BEGAIN: variants seen among roughly 807,000 people sequenced by gnomAD.
BEGAIN encodes brain enriched guanylate kinase associated, also known as brain-enriched guanylate kinase-associated protein.
BEGAIN carries 19 observed loss-of-function variants against 35.8 expected under a neutral mutation model. The observed-to-expected ratio is 0.53, with a 90% CI of 0.37 to 0.78. The LOEUF is 0.78. Ranked by LOEUF, BEGAIN falls within the 30% of genes least tolerant of loss-of-function variation. BEGAIN has a pLI of 0.00. For synonymous variants in BEGAIN, 462 were observed against 388.6 expected, an observed-to-expected ratio of 1.19 and a Z score of -2.22; for missense variants, 795 against 853.6, an observed-to-expected ratio of 0.93 and a Z score of 0.85.
chr14:100,585,696 A>C (rs1315563270), intron 1 of BEGAIN, among the ~76,000 whole-genome samples: 1 of 151,938 alleles, frequency 6.6e-6, no homozygotes, highest in Non-Finnish European at 1.5e-5. Flanking sequence ...GGGCTCTGAC[A>C]GGTGTCCCCC....
chr14:100,579,391 A>G (rs1202294000), intron 1 of BEGAIN, among the ~76,000 whole-genome samples: 1 of 152,252 alleles, frequency 6.6e-6, no homozygotes, highest in Non-Finnish European at 1.5e-5. Context: ...GGTTAGAGCC[A>G]GACCTGGACC....
intron 5 of BEGAIN, among the ~76,000 whole-genome samples, chr14:100,542,924 GT>G (rs2031842740): frequency 1.3e-5 from 2 of 152,204 alleles, no homozygotes; most frequent in African/African-American, 4.8e-5. Flanking sequence ...TAAAGCCCAG[GT>G]TTCTGGGAGG....
At chr14:100,570,776 G>A (rs2035056024) in intron 1 of BEGAIN, among the ~76,000 whole-genome samples, 1 of 152,158 alleles carries the variant, frequency 6.6e-6, no homozygotes, top group Non-Finnish European at 1.5e-5. Flanking sequence ...CACCCCGGGT[G>A]CAAGTTTTGA....
At chr14:100,548,391 C>T (rs1030156201) in intron 2 of BEGAIN, 1 of 152,212 alleles carries the variant, frequency 6.6e-6, no homozygotes, top group Non-Finnish European at 1.5e-5. Context: ...TGCACAGCAG[C>T]CCCTGAAGTC....
chr14:100,537,765 C>G lies in BEGAIN; in HGVS notation c.*204G>C, dbSNP rs4900467. The G allele has an allele frequency of 1, 689,923 of 692,000 alleles. 343,984 individuals carry two copies. Among genetic ancestry groups the G allele is most frequent in the Admixed American group, 1 (27,264 of 27,264 alleles). The allele number at this position is 692,000 out of a possible 1,614,324, so 42.9% of individuals were successfully genotyped here. A position where few individuals can be genotyped will look rare whatever the true frequency, so the allele number is the denominator to read the frequency against. On this transcript the variant is annotated 3_prime_UTR_variant, in exon 7 of 7. Transcript: ENST00000554140. ...AACGCTCTAAGTGGAGTTCCACGGG[C>G]CGGGGCCGGGTGGACACCGTGGTGT...
intron 1 of BEGAIN, chr14:100,569,032 C>G (rs1309764899): frequency 3.7e-6 from 3 of 809,862 alleles, no homozygotes; most frequent in Admixed American, 6.3e-5. Context: ...GGGCGCAGCC[C>G]GGCCGCAGCG....
chr14:100,546,733 C>T (rs1184512127), intron 2 of BEGAIN, 71 bp from the exon 3 acceptor site: 3 of 1,408,010 alleles, frequency 2.1e-6, no homozygotes, highest in African/African-American at 3.0e-5. Flanking sequence ...GCAGGCCAGC[C>T]GGGGCGTGCC....
chr14:100,544,899 C>G, intron 4 of BEGAIN, 101 bp downstream of exon 4: 2 of 1,169,752 alleles, frequency 1.7e-6, no homozygotes, highest in Admixed American at 3.4e-5. Flanking sequence ...ACCAGCAAGA[C>G]CTGTGTCCCA....
chr14:100,546,570 C>T lies in BEGAIN; in HGVS notation c.164G>A (p.Arg55His). 6.3e-7 allele frequency: 1 copy of T among 1,591,038 alleles called. No individual in the cohort carries two copies. Among genetic ancestry groups the T allele is most frequent in the Non-Finnish European group, 8.5e-7 (1 of 1,172,154 alleles). The change falls in exon 3 of 7, where the codon CGC (arginine) becomes CAC (histidine). Residue 55 changes from arginine (R) to histidine (H), a missense_variant. By Grantham distance (29) the Arg-to-His change is conservative (BLOSUM62 0). Coordinates refer to ENST00000554140, the MANE Select transcript of BEGAIN (RefSeq NM_001385089.1). ...CCGCAGCTCGATCTCCAGGTAGTGG[C>T]GCGTGGAGTCGAACTCGGTCTCGAG... Reference protein sequence around the residue: ...EKLETEFDSTRHYLEIELRRA... With the variant: ...EKLETEFDSTHHYLEIELRRA...
At chr14:100,564,364 G>A (rs1231471795) in intron 2 of BEGAIN, among the ~76,000 whole-genome samples, 2 of 151,920 alleles carry the variant, frequency 1.3e-5, no homozygotes, top group Admixed American at 1.3e-4. Context: ...CATGAGAGGC[G>A]ACTGACCCAC....
chr14:100,543,819 C>A, intron 5 of BEGAIN, 39 bp downstream of exon 5: 1 of 1,533,186 alleles, frequency 6.5e-7, no homozygotes, highest in Non-Finnish European at 9.0e-7. Context: ...CCTAGGCCCA[C>A]CGGCAGTCTT....
Position 100,558,052 on chromosome 14 carries a change from A to G in BEGAIN, c.71+9859T>C, listed in dbSNP as rs997307931. 6.6e-6 allele frequency among the ~76,000 whole-genome samples: 1 copy of G among 151,968 alleles called. No individual in the cohort carries two copies. The highest frequency in any genetic ancestry group is 2.4e-5 in the African/African-American group (1 of 41,436). ...CCCAGCTGCAGGTGGGGCTCCAGCTAGTCTCCCTCGCTCCTGAACCATCCA... is the reference window on the plus strand; with the variant it reads ...CCCAGCTGCAGGTGGGGCTCCAGCTGGTCTCCCTCGCTCCTGAACCATCCA... On this transcript the variant is annotated intron_variant, in intron 2 of 6. Transcript: ENST00000554140. The surrounding 1 kb of genome is among the most constrained non-coding windows in gnomAD (Gnocchi z 4.6).
In BEGAIN at chr14:100,559,473, C is replaced by T. The variant is rs188555906; in HGVS notation, c.71+8438G>A. Among the ~76,000 whole-genome samples, 190 of 152,348 alleles carry T rather than the reference C, an allele frequency of 1.2e-3. 1 individual carries two copies. The highest frequency in any genetic ancestry group is 4.4e-3 in the African/African-American group (182 of 41,580). On this transcript the variant is annotated intron_variant, in intron 2 of 6. Coordinates refer to ENST00000554140, the MANE Select transcript of BEGAIN (RefSeq NM_001385089.1). The stretch of plus-strand genomic sequence containing the variant: ...TGGGACTCCCAAATTAACCTTTCAG[C>T]GCCTGCCACCTGCCCTGGTGCCCAG...
At chr14:100,574,401 G>A (rs1436068370) in intron 1 of BEGAIN, among the ~76,000 whole-genome samples, 3 of 152,286 alleles carry the variant, frequency 2.0e-5, no homozygotes, top group Non-Finnish European at 4.4e-5. Context: ...CTTCATACAG[G>A]GCCTCCCTTT....
At position 100,567,930 on chromosome 14, in the gene BEGAIN, C is replaced by A. The variant is rs1374203070; in HGVS notation, c.52G>T (p.Ala18Ser). 1.4e-6 allele frequency: 2 copies of A among 1,462,142 alleles called. No individual in the cohort carries two copies. Among genetic ancestry groups the A allele is most frequent in the African/African-American group, 1.5e-5 (1 of 67,094 alleles). 90.6% of individuals were successfully genotyped at this position (1,462,142 alleles called of 1,614,324 possible). Residue 18 changes from alanine to serine, a missense_variant, in exon 2 of 7, where the codon GCA becomes TCA. Transcript: ENST00000554140. The surrounding 1 kb of genome is among the most constrained non-coding windows in gnomAD (Gnocchi z 5.1). ...PGRLRRAASA[A>S]DMEKLSALQE... ...ACTCACCTGAGTTTCTCCATGTCTG[C>A]GGCAGAGGCCTGCGAGAAACCAAAC... is the stretch of plus-strand genomic sequence containing the variant.
In BEGAIN at chr14:100,537,987, G is replaced by C; in HGVS notation, c.1821C>G (p.Tyr607Ter). 6.2e-7 allele frequency: 1 copy of C among 1,609,082 alleles called. No homozygotes were observed. The highest frequency in any genetic ancestry group is 8.5e-7 in the Non-Finnish European group (1 of 1,178,680). The change falls in exon 7 of 7, where the codon TAC becomes TAG. Residue 607 changes from tyrosine (Y) to a stop codon, truncating the protein, a stop_gained. Coordinates refer to ENST00000554140, the MANE Select transcript of BEGAIN (RefSeq NM_001385089.1). LOFTEE classifies it high-confidence loss of function. Reference sequence around the variant, plus strand: ...CAGGCGCTCAGTTGAGCAAGGTTCCGTAGAGCTGGGCCTTGGTGAGGCTGT... The same window carrying C: ...CAGGCGCTCAGTTGAGCAAGGTTCCCTAGAGCTGGGCCTTGGTGAGGCTGT... ...RKDSLTKAQL[Y>*]GTLLN
At chr14:100,582,451 C>G (rs2035340794) in intron 1 of BEGAIN, among the ~76,000 whole-genome samples, 1 of 152,150 alleles carries the variant, frequency 6.6e-6, no homozygotes, top group East Asian at 1.9e-4. Context: ...TCAGAAGTGT[C>G]TATTATTATT....
intron 2 of BEGAIN, among the ~76,000 whole-genome samples, chr14:100,562,562 C>G (rs73352948): frequency 0.039 from 5,884 of 151,774 alleles, 399 homozygotes; most frequent in African/African-American, 0.13. Flanking sequence ...CCCCACACCC[C>G]ATGTCACCCC....
chr14:100,566,822 C>T (rs926729096), intron 2 of BEGAIN, among the ~76,000 whole-genome samples: 1 of 152,222 alleles, frequency 6.6e-6, no homozygotes, highest in African/African-American at 2.4e-5. Context: ...TGCACATCAG[C>T]TCCATGGCCC....
Sources: allele counts gnomAD v4.1 joint callset (sites outside exome capture counted in the v4.1 genomes callset), GRCh38; gene constraint gnomAD v4.1.1; non-coding constraint Gnocchi (gnomAD v3.1); transcripts MANE v1.5; gene names NCBI Gene and HGNC (gene_info 2026-07-23, HGNC 2026-07-21).